The following ABCC11 variants were observed in gnomAD, a reference collection of about 807,000 sequenced individuals.
ABCC11 encodes the protein ATP-binding cassette sub-family C member 11.
Under a neutral mutation model 149.3 loss-of-function variants are expected in ABCC11, and 135 were observed. The ratio of observed to expected loss-of-function variants is 0.90; its 90% CI spans 0.79 to 1.04. The LOEUF is 1.04. ABCC11 is among the 50% of genes least tolerant of loss of function. The pLI, the probability that ABCC11 is intolerant of heterozygous loss-of-function variation, is 0.00. For missense variants in ABCC11, 1,680 were observed against 1,722.1 expected (o/e 0.98, Z 0.43); for synonymous variants, 665 against 671.4 (o/e 0.99, Z 0.15).
chr16:48,202,092 C>A (rs1968034879), intron 14 of ABCC11, among the ~76,000 whole-genome samples: 1 of 152,210 alleles, frequency 6.6e-6, no homozygotes, highest in African/African-American at 2.4e-5. Flanking sequence ...AAACACTATT[C>A]AATGCCTACT....
At chr16:48,211,875 G>A (rs1013329918) in intron 10 of ABCC11, among the ~76,000 whole-genome samples, 2 of 152,200 alleles carry the variant, frequency 1.3e-5, no homozygotes, top group African/African-American at 4.8e-5. Flanking sequence ...AAAGAATGGA[G>A]GGGAGTATGA....
chr16:48,181,649 C>T (rs781486108), intron 23 of ABCC11, among the ~76,000 whole-genome samples: 1 of 150,864 alleles, frequency 6.6e-6, no homozygotes, highest in Admixed American at 6.6e-5. Context: ...CTCGCTCTGT[C>T]ACCCAGGCTG....
intron 23 of ABCC11, 81 bp downstream of exon 23, chr16:48,184,359 G>A: frequency 6.7e-7 from 1 of 1,503,028 alleles, no homozygotes. Context: ...GAACACCTGA[G>A]GACCCCCTGA....
intron 6 of ABCC11, among the ~76,000 whole-genome samples, chr16:48,219,481 TA>T (rs1196685632): frequency 1.3e-5 from 2 of 152,162 alleles, no homozygotes; most frequent in Non-Finnish European, 2.9e-5. Context: ...AAATGTGCTT[TA>T]AAAGGTCTGA....
At chr16:48,224,152 C>T in intron 5 of ABCC11, 130 bp downstream of exon 5, 1 of 1,279,254 alleles carries the variant, frequency 7.8e-7, no homozygotes, top group Non-Finnish European at 1.1e-6. Context: ...AAAAGGTCTT[C>T]ATTTTCTAGA....
Position 48,178,493 on chromosome 16 carries a change from TGGGATGGTCTCA to T in ABCC11, c.3348+92_3348+103del, listed in dbSNP as rs1596672878. On this transcript the variant is annotated intron_variant, in intron 24 of 29. Transcript: ENST00000356608. ...GAAAGGCCAGGAGCCTGGTGTTTCC[TGGGATGGTCTCA>T]GGGCTCTGAGGCCAGTGGGGCTTGT... 1.8e-5 allele frequency: 19 copies of T among 1,081,352 alleles called. No homozygotes were observed. The East Asian group carries it at 4.3e-4, about 25-fold the overall frequency. 67.0% of individuals were successfully genotyped at this position (1,081,352 alleles called of 1,614,324 possible).
intron 10 of ABCC11, 22 bp from the exon 11 acceptor site, chr16:48,211,221 G>A (rs563758806): frequency 6.2e-7 from 1 of 1,609,894 alleles, no homozygotes; most frequent in Non-Finnish European, 8.5e-7. Context: ...GAAAAAAATA[G>A]AGGGAGGAGG....
intron 3 of ABCC11, 101 bp from the exon 4 acceptor site, chr16:48,228,065 A>C: frequency 8.8e-7 from 1 of 1,136,034 alleles, no homozygotes. Flanking sequence ...CCAGATCTAC[A>C]CACAAACATG....
chr16:48,244,463 CG>C, intron 1 of ABCC11: 2 of 1,596,816 alleles, frequency 1.3e-6, no homozygotes, highest in Non-Finnish European at 1.7e-6. Flanking sequence ...TCCTGCTGCC[CG>C]GCTCCACCAT....
chr16:48,235,666 A>G (rs967049726), intron 1 of ABCC11, among the ~76,000 whole-genome samples: 4 of 152,170 alleles, frequency 2.6e-5, no homozygotes, highest in African/African-American at 9.7e-5. Flanking sequence ...TGGACTCCCA[A>G]TTCTCTTTCC....
intron 4 of ABCC11, among the ~76,000 whole-genome samples, chr16:48,224,959 G>T (rs1032167482): frequency 1.3e-4 from 20 of 152,092 alleles, no homozygotes; most frequent in African/African-American, 4.8e-4. Flanking sequence ...GGAGGCAGAA[G>T]TTGCAGTAAG....
intron 6 of ABCC11, among the ~76,000 whole-genome samples, chr16:48,218,238 G>GT (rs140272943): frequency 0.019 from 2,843 of 152,304 alleles, 39 homozygotes; most frequent in Non-Finnish European, 0.027. Context: ...CCAGACTGCA[G>GT]TGAGCTATGG....
At chr16:48,228,616 G>T (rs1398778967) in intron 3 of ABCC11, among the ~76,000 whole-genome samples, 3 of 151,716 alleles carry the variant, frequency 2.0e-5, no homozygotes, top group Non-Finnish European at 4.4e-5. Context: ...AAAAAACTCA[G>T]TATTTTTTTC....
chr16:48,205,414 G>A lies in ABCC11; in HGVS notation c.1804C>T (p.Arg602Ter), dbSNP rs142338810. The change falls in exon 13 of 30, where the codon CGA becomes TGA. Residue 602 changes from arginine (R) to a stop codon, truncating the protein, a stop_gained and splice_region_variant. Transcript: ENST00000356608. LOFTEE classifies it high-confidence loss of function. ...CCCTTTCCCCTCCCAGGAGCTTACCGGGCCTTGTCATATGCGCCTCCCATG... is the reference window on the plus strand; with the variant it reads ...CCCTTTCCCCTCCCAGGAGCTTACCAGGCCTTGTCATATGCGCCTCCCATG... ...ILMGGAYDKA[R>*]YLQVLHCCSL... 2.3e-5 allele frequency: 37 copies of A among 1,614,124 alleles called. No homozygotes were observed. The highest frequency in any genetic ancestry group is 3.3e-4 in the Middle Eastern group (2 of 6,062).
rs781263618 is a variant in ABCC11 at position 48,205,429 on chromosome 16, C to T, written c.1789G>A (p.Ala597Thr). The T allele has an allele frequency of 3.3e-5, 53 of 1,614,054 alleles. No individual in the cohort carries two copies. The East Asian group carries it at 1.1e-3, about 33-fold the overall frequency. ...NIRENILMGG[A>T]YDKARYLQVL... is the part of the protein sequence containing the mutation. ...GGAGCTTACCGGGCCTTGTCATATG[C>T]GCCTCCCATGAGGATGTTCTCCCTG... The change falls in exon 13 of 30, where the codon GCA (alanine) becomes ACA (threonine). Residue 597 changes from alanine to threonine, a missense_variant. Ala to Thr is a moderately conservative substitution (Grantham distance 58). Transcript: ENST00000356608.
intron 4 of ABCC11, among the ~76,000 whole-genome samples, chr16:48,225,398 T>C (rs1484736351): frequency 6.6e-6 from 1 of 152,236 alleles, no homozygotes; most frequent in Non-Finnish European, 1.5e-5. Context: ...CATTTTAATC[T>C]GTAAGCGTTT....
Position 48,211,038 on chromosome 16 carries a change from C to T in ABCC11, c.1518G>A (p.Gly506=), listed in dbSNP as rs761077695. ...ELERNGHASE[G]MTRPRDALGP... is the part of the protein sequence containing the mutation. ...CGAGGGCATCTCTAGGCCTGGTCAT[C>T]CCCTCAGAAGCATGCCCGTTCCTCT... The change falls in exon 11 of 30, where the codon GGG becomes GGA. Residue 506 remains glycine (G), a synonymous_variant. Coordinates refer to ENST00000356608, the MANE Select transcript of ABCC11 (RefSeq NM_001370497.1). 1 of 1,614,210 alleles carries T rather than the reference C, an allele frequency of 6.2e-7. No individual in the cohort carries two copies.
chr16:48,211,524 T>C (rs1016217811), intron 10 of ABCC11, among the ~76,000 whole-genome samples: 2 of 152,194 alleles, frequency 1.3e-5, no homozygotes, highest in Admixed American at 6.5e-5. Context: ...CATTGACTCA[T>C]AGGATTGATG....
chr16:48,191,403 G>T (rs1394303103), intron 20 of ABCC11, among the ~76,000 whole-genome samples: 1 of 152,102 alleles, frequency 6.6e-6, no homozygotes, highest in Non-Finnish European at 1.5e-5. Context: ...GCATGGTGGT[G>T]TGCCCCTGTG....
Sources: gnomAD v4.1 joint callset for allele counts (sites outside exome capture counted in the v4.1 genomes callset) on GRCh38, gnomAD v4.1.1 for gene constraint, MANE v1.5 for transcripts, NCBI Gene and HGNC (gene_info 2026-07-23, HGNC 2026-07-21) for gene names.